GATA4: variants seen among roughly 807,000 people sequenced by gnomAD.
GATA4 encodes GATA binding protein 4, also known as transcription factor GATA-4.
A neutral mutation model predicts 37.9 loss-of-function variants in GATA4; 7 were observed. The observed-to-expected ratio is 0.18, with a 90% CI of 0.11 to 0.35. The LOEUF (loss-of-function observed/expected upper bound fraction) is 0.35, where lower values mean the gene tolerates loss of function less well. Among genes scored for constraint, GATA4 ranks in the 10% least tolerant of loss-of-function variants. The pLI, the probability that GATA4 is intolerant of heterozygous loss-of-function variation, is 1.00. For missense variants in GATA4, 647 were observed against 653.0 expected (o/e 0.99, Z 0.10); for synonymous variants, 372 against 292.6 (o/e 1.27, Z -2.77).
At position 11,708,882 on chromosome 8, in the gene GATA4, C is replaced by A. The variant is rs1430178919; in HGVS notation, c.570C>A (p.His190Gln). Residue 190 changes from histidine (H) to glutamine (Q), a missense_variant, in exon 2 of 7, where the codon CAC becomes CAA. Physicochemically the swap from His to Gln is conservative, Grantham distance 24. This residue lies in a region of GATA4 where 379 missense variants were observed against 334.5 expected (regional missense o/e 1.13). Transcript: ENST00000532059. This position sits in a 1 kb window ranked among gnomAD's most constrained non-coding sequence, Gnocchi z 6.7. ...GCCCCTTCGACAGCCCGGTCCTGCACAGCCTGCCCGGCCGGGCCAACCCGG... is the reference window on the plus strand; with the variant it reads ...GCCCCTTCGACAGCCCGGTCCTGCAAAGCCTGCCCGGCCGGGCCAACCCGG... Reference protein sequence around the residue: ...SAGPFDSPVLHSLPGRANPAA... With the variant: ...SAGPFDSPVLQSLPGRANPAA... The A allele has an allele frequency of 9.2e-6, 14 of 1,528,646 alleles. No homozygotes were observed. Among genetic ancestry groups the A allele is most frequent in the Non-Finnish European group, 1.2e-5 (14 of 1,144,138 alleles). The allele number at this position is 1,528,646 out of a possible 1,614,324, so 94.7% of individuals were successfully genotyped here. A position where few individuals can be genotyped will look rare whatever the true frequency, so the allele number is the denominator to read the frequency against.
chr8:11,680,593 G>A lies in GATA4; in HGVS notation c.-274+3530G>A, dbSNP rs558415063. ...CAGGAAGCCCAGGCTATGCCCAGCC[G>A]GGTCCGAGCGGCGGTCGGTGGCGTG... is the stretch of plus-strand genomic sequence containing the variant. On this transcript the variant is annotated intron_variant, in intron 1 of 6. Transcript: ENST00000528712. 1.0e-5 allele frequency: 10 copies of A among 985,238 alleles called. No individual in the cohort carries two copies. In the African/African-American group the frequency reaches 1.7e-4, roughly 17 times the overall value. The allele number at this position is 985,238 out of a possible 1,614,324, so 61.0% of individuals were successfully genotyped here.
At position 11,709,546 on chromosome 8, in the gene GATA4, C is replaced by A. The variant is rs1027712533; in HGVS notation, c.616+618C>A. On this transcript the variant is annotated intron_variant, in intron 2 of 6. Transcript: ENST00000532059. The surrounding 1 kb of genome is among the most constrained non-coding windows in gnomAD (Gnocchi z 4.3). ...CCGGCACTGTGCGGGTGCCACCCGG[C>A]CGAGCGCGTGGGCGCATCATGCGGG... Among the ~76,000 whole-genome samples the A allele has an allele frequency of 7.7e-6, 1 of 130,592 alleles. No homozygotes were observed. Among genetic ancestry groups the A allele is most frequent in the Non-Finnish European group, 1.6e-5 (1 of 64,060 alleles). 85.7% of individuals were successfully genotyped at this position (130,592 alleles called of 152,430 possible).
At chr8:11,734,581 G>A (rs1801361833) in intron 2 of GATA4, among the ~76,000 whole-genome samples, 1 of 152,154 alleles carries the variant, frequency 6.6e-6, no homozygotes, top group African/African-American at 2.4e-5. Context: ...CCGCCTCCTG[G>A]GTTCAGGCAA....
chr8:11,749,221 T>C lies in GATA4; in HGVS notation c.786+136T>C. 1 of 853,710 alleles carries C rather than the reference T, an allele frequency of 1.2e-6. No individual in the cohort carries two copies. The highest frequency in any genetic ancestry group is 1.7e-5 in the African/African-American group (1 of 59,976). 52.9% of individuals were successfully genotyped at this position (853,710 alleles called of 1,614,324 possible). ...ACGTGGGTGAGAGCCCCATAATAAT[T>C]CTCACAACTTTAGAGTTAGCTGGAG... On this transcript the variant is annotated intron_variant, in intron 3 of 6. Transcript: ENST00000532059. The surrounding 1 kb of genome is among the most constrained non-coding windows in gnomAD (Gnocchi z 4.6).
Position 11,743,533 on chromosome 8 carries a change from G to A in GATA4, c.617-5383G>A, listed in dbSNP as rs367922972. Among the ~76,000 whole-genome samples the A allele has an allele frequency of 5.3e-5, 8 of 152,352 alleles. No homozygotes were observed. The East Asian group carries it at 5.8e-4, about 11-fold the overall frequency. On this transcript the variant is annotated intron_variant, in intron 2 of 6. Transcript: ENST00000532059. ...CAGTGGCCTGAGCTGTCTCCCCAGCGGCCAGCAGTGCCCAGGGGAGGGAGT... is the reference window on the plus strand; with the variant it reads ...CAGTGGCCTGAGCTGTCTCCCCAGCAGCCAGCAGTGCCCAGGGGAGGGAGT...
upstream of GATA4, among the ~76,000 whole-genome samples, chr8:11,702,436 T>A (rs1018048892): frequency 6.6e-6 from 1 of 151,934 alleles, no homozygotes; most frequent in Non-Finnish European, 1.5e-5. This position sits in a 1 kb window ranked among gnomAD's most constrained non-coding sequence, Gnocchi z 4.4. Context: ...TGCAGGTCCC[T>A]GCCGCAGGCC....
upstream of GATA4, among the ~76,000 whole-genome samples, chr8:11,702,760 G>A (rs1385963594): frequency 2.0e-5 from 3 of 152,248 alleles, no homozygotes; most frequent in South Asian, 6.2e-4. This position sits in a 1 kb window ranked among gnomAD's most constrained non-coding sequence, Gnocchi z 4.4. Flanking sequence ...AGGGGCGGCT[G>A]CCGTGCGTCC....
At chr8:11,748,029 A>G (rs1802113177) in intron 2 of GATA4, among the ~76,000 whole-genome samples, 1 of 151,622 alleles carries the variant, frequency 6.6e-6, no homozygotes, top group African/African-American at 2.4e-5. Flanking sequence ...GGAGTTTGAG[A>G]CCAGCCTGAT....
intron 2 of GATA4, among the ~76,000 whole-genome samples, chr8:11,711,286 G>T (rs1487444309): frequency 6.6e-6 from 1 of 152,144 alleles, no homozygotes. Flanking sequence ...CCTTCTCTGG[G>T]CTCTTCCCGG....
At chr8:11,690,102 G>C (rs564727787), upstream of GATA4, among the ~76,000 whole-genome samples, 23 of 152,328 alleles carry the variant, frequency 1.5e-4, no homozygotes, top group African/African-American at 5.5e-4. Context: ...GCTGTCTCAG[G>C]ACTGATAAAC....
At chr8:11,701,530 C>T (rs557369737), upstream of GATA4, among the ~76,000 whole-genome samples, 5 of 152,306 alleles carry the variant, frequency 3.3e-5, no homozygotes, top group East Asian at 9.7e-4. Flanking sequence ...AAATGCTCCC[C>T]GCTCCTGGCA....
chr8:11,734,555 C>T (rs1345349296), intron 2 of GATA4, among the ~76,000 whole-genome samples: 6 of 152,144 alleles, frequency 3.9e-5, no homozygotes, highest in Non-Finnish European at 7.3e-5. Flanking sequence ...GGCGCAACCT[C>T]GGCTCACTGC....
intron 1 of GATA4, among the ~76,000 whole-genome samples, chr8:11,706,541 A>T (rs1799897331): frequency 6.6e-6 from 1 of 152,264 alleles, no homozygotes; most frequent in African/African-American, 2.4e-5. Flanking sequence ...TGCATTTTGC[A>T]GATGAGGAAA....
At chr8:11,728,878 G>A (rs867029432) in intron 2 of GATA4, among the ~76,000 whole-genome samples, 1 of 152,130 alleles carries the variant, frequency 6.6e-6, no homozygotes, top group Admixed American at 6.5e-5. Context: ...TACATAGGGG[G>A]GCACATTTAG....
rs577929889 is a variant in GATA4, at chr8:11,721,408, T to G, written c.616+12480T>G. 2.3e-4 allele frequency among the ~76,000 whole-genome samples: 34 copies of G among 150,384 alleles called. No individual in the cohort carries two copies. The East Asian group carries it at 6.3e-3, about 28-fold the overall frequency. ...AGAATGCTGGAAAGGTGAGCAGGAT[T>G]CGAGCAGCACTTCAGATATAGCGCT... On this transcript the variant is annotated intron_variant, in intron 2 of 6. Coordinates refer to ENST00000532059, the MANE Select transcript of GATA4 (RefSeq NM_001308093.3).
intron 1 of GATA4, among the ~76,000 whole-genome samples, chr8:11,684,306 AC>A (rs1417853696): frequency 6.6e-6 from 1 of 152,170 alleles, no homozygotes; most frequent in Non-Finnish European, 1.5e-5. Flanking sequence ...CCACACAAAC[AC>A]CTACAAGCTG....
chr8:11,678,126 C>A (rs1309266361), intron 1 of GATA4, among the ~76,000 whole-genome samples: 2 of 151,830 alleles, frequency 1.3e-5, no homozygotes, highest in Non-Finnish European at 2.9e-5. Context: ...ATAACCAAGG[C>A]TCTGAGAGTT....
chr8:11,719,377 C>T (rs1800571551), intron 2 of GATA4, among the ~76,000 whole-genome samples: 1 of 151,990 alleles, frequency 6.6e-6, no homozygotes, highest in Non-Finnish European at 1.5e-5. Flanking sequence ...CTTAACTTGA[C>T]CCGAAATAAA....
At chr8:11,694,437 T>G in intron 1 of GATA4, 1 of 981,136 alleles carries the variant, frequency 1.0e-6, no homozygotes, top group South Asian at 4.7e-5. Flanking sequence ...TCCTTTCTTT[T>G]CTTCCCCCAG....
Sources: allele counts gnomAD v4.1 joint callset (sites outside exome capture counted in the v4.1 genomes callset), GRCh38; gene constraint gnomAD v4.1.1; regional missense constraint gnomAD v4.1.1; non-coding constraint Gnocchi (gnomAD v3.1); transcripts MANE v1.5; gene names NCBI Gene and HGNC (gene_info 2026-07-23, HGNC 2026-07-21).